Variants in GRAMD1B observed in about 807,000 individuals in gnomAD.
GRAMD1B encodes the protein GRAM domain containing 1B.
Under a neutral mutation model 99.7 loss-of-function variants are expected in GRAMD1B, and 37 were observed. That is an observed-to-expected ratio of 0.37 (90% confidence interval 0.29 to 0.49). GRAMD1B has a LOEUF of 0.49. Ranked by LOEUF, GRAMD1B falls within the 20% of genes least tolerant of loss-of-function variation. The pLI is 0.98. For synonymous variants in GRAMD1B, 427 were observed against 387.6 expected (o/e 1.10, Z -1.19); for missense variants, 888 against 1,009.2 (o/e 0.88, Z 1.63).
At chr11:123,511,977 G>A (rs1424259226) in intron 2 of GRAMD1B, among the ~76,000 whole-genome samples, 2 of 152,220 alleles carry the variant, frequency 1.3e-5, no homozygotes, top group Non-Finnish European at 2.9e-5. Context: ...GTTTAGATCT[G>A]TCAAATTCTC....
At chr11:123,525,822 C>T in intron 2 of GRAMD1B, 1 of 384,164 alleles carries the variant, frequency 2.6e-6, no homozygotes, top group Non-Finnish European at 4.8e-6. Flanking sequence ...TTGTTTCGCG[C>T]AGCCTTGCCA....
In GRAMD1B at chr11:123,476,545, C is replaced by T. The variant is rs565630080; in HGVS notation, c.375-4271C>T. On this transcript the variant is annotated intron_variant, in intron 1 of 19. Transcript: ENST00000635736. ...ACCATGGATTTATCTAGAGTCCCTC[C>T]AGCTCGATGTTCACCTCTCTGATGT... is the stretch of plus-strand genomic sequence containing the variant. 4.6e-5 allele frequency among the ~76,000 whole-genome samples: 7 copies of T among 152,340 alleles called. No individual in the cohort carries two copies. In the East Asian group the frequency reaches 1.4e-3, roughly 29 times the overall value.
At chr11:123,597,980 T>C (rs970835190) in intron 7 of GRAMD1B, 9 of 1,216,604 alleles carry the variant, frequency 7.4e-6, no homozygotes, top group Non-Finnish European at 9.8e-6. Flanking sequence ...CTCATATGTC[T>C]TCTTATTCAC....
At position 123,423,305 on chromosome 11, in the gene GRAMD1B, G is replaced by A. The variant is rs995464292; in HGVS notation, c.-175-57511G>A. On this transcript the variant is annotated intron_variant, in intron 1 of 20. Coordinates refer to the GRAMD1B transcript ENST00000638157. ...AAAAACCTTATCCCCAACCCCAAATGTTCCCTCTCCTCTCCTTTCTTCTCC... is the reference window on the plus strand; with the variant it reads ...AAAAACCTTATCCCCAACCCCAAATATTCCCTCTCCTCTCCTTTCTTCTCC... 7.4e-5 allele frequency among the ~76,000 whole-genome samples: 11 copies of A among 149,314 alleles called. No homozygotes were observed. In the South Asian group the frequency reaches 1.1e-3, roughly 14 times the overall value.
At chr11:123,473,424 G>A (rs763386016) in intron 1 of GRAMD1B, among the ~76,000 whole-genome samples, 4 of 151,890 alleles carry the variant, frequency 2.6e-5, no homozygotes, top group African/African-American at 9.7e-5. Flanking sequence ...CCACCACACC[G>A]TGCTAATTTT....
At chr11:123,425,995 T>C (rs996372653), upstream of GRAMD1B, among the ~76,000 whole-genome samples, 4 of 152,224 alleles carry the variant, frequency 2.6e-5, no homozygotes, top group African/African-American at 9.6e-5. Context: ...AGCACCATCC[T>C]GGTAATTGAT....
chr11:123,500,600 T>A (rs909186808), intron 2 of GRAMD1B, among the ~76,000 whole-genome samples: 4 of 152,174 alleles, frequency 2.6e-5, no homozygotes, highest in Admixed American at 1.3e-4. Flanking sequence ...TCTGTGTACT[T>A]TGTGGAGGAG....
intron 1 of GRAMD1B, among the ~76,000 whole-genome samples, chr11:123,390,478 C>T (rs1420570130): frequency 3.3e-5 from 5 of 152,152 alleles, no homozygotes; most frequent in East Asian, 3.9e-4. Context: ...AATGGATATC[C>T]GTCCAAAAAC....
At chr11:123,429,656 G>C (rs1948778208), upstream of GRAMD1B, among the ~76,000 whole-genome samples, 1 of 152,102 alleles carries the variant, frequency 6.6e-6, no homozygotes, top group Admixed American at 6.5e-5. The surrounding 1 kb of genome is among the most constrained non-coding windows in gnomAD (Gnocchi z 4.0). Context: ...ACAGGGTTCA[G>C]GCCCCATTTT....
chr11:123,618,238 A>G (rs1052359545), intron 17 of GRAMD1B: 1 of 865,736 alleles, frequency 1.2e-6, no homozygotes, highest in Non-Finnish European at 2.0e-6. Context: ...TTTCTCATAT[A>G]CTCTCACTCA....
At chr11:123,404,213 GTCTC>G (rs771811189) in intron 1 of GRAMD1B, among the ~76,000 whole-genome samples, 1 of 152,166 alleles carries the variant, frequency 6.6e-6, no homozygotes. Flanking sequence ...ATGCCTGATT[GTCTC>G]TCTTTTTGTG....
In GRAMD1B at chr11:123,609,817, A is replaced by G. The variant is rs749194789; in HGVS notation, c.1680A>G (p.Lys560=). Residue 560 remains lysine, a synonymous_variant, in exon 13 of 20, where the codon AAA becomes AAG. Coordinates refer to ENST00000635736, the MANE Select transcript of GRAMD1B (RefSeq NM_001387025.1). ...RFSDIIFHPW[K]KEENGNQSRV... is the part of the protein sequence containing the mutation. ...TAGATATCATCTTCCATCCATGGAA[A>G]AAGGAGGAGAATGGAAACCAGAGCC... The G allele has an allele frequency of 1.9e-6, 3 of 1,596,826 alleles. No homozygotes were observed. The highest frequency in any genetic ancestry group is 1.7e-5 in the Admixed American group (1 of 58,536).
rs759845728 is a variant in GRAMD1B at position 123,618,679 on chromosome 11, C to T, written c.2319-14C>T. On this transcript the variant is annotated splice_polypyrimidine_tract_variant and intron_variant, in intron 17 of 19. Transcript: ENST00000635736. ...CTCACTGCTGATGTTTTTTTCCCCACGTCTCCTTCCTAGTCTGGTGCTGCT... is the reference window on the plus strand; with the variant it reads ...CTCACTGCTGATGTTTTTTTCCCCATGTCTCCTTCCTAGTCTGGTGCTGCT... 3.0e-5 allele frequency: 43 copies of T among 1,442,086 alleles called. No homozygotes were observed. The highest frequency in any genetic ancestry group is 3.7e-5 in the Non-Finnish European group (38 of 1,038,836). The allele number at this position is 1,442,086 out of a possible 1,614,324, so 89.3% of individuals were successfully genotyped here.
chr11:123,553,090 AC>A (rs1308738283), intron 2 of GRAMD1B, among the ~76,000 whole-genome samples: 3 of 152,100 alleles, frequency 2.0e-5, no homozygotes, highest in Non-Finnish European at 1.5e-5. Context: ...CCTGGCTCCC[AC>A]CCCCAGACAT....
rs920887598 is a variant in GRAMD1B, at chr11:123,513,382, CT to C, written c.452+32500del. On this transcript the variant is annotated intron_variant, in intron 2 of 19. Transcript: ENST00000635736. ...TCCACTGCATTGTCATAGTACTACC[CT>C]TTTTTTTTTTAAGGTTGCACCTCAG... Among the ~76,000 whole-genome samples the C allele has an allele frequency of 2.2e-3, 322 of 145,322 alleles. 1 individual carries two copies. The highest frequency in any genetic ancestry group is 6.1e-3 in the African/African-American group (245 of 39,936).
At chr11:123,379,702 TG>T (rs1290282239) in intron 1 of GRAMD1B, among the ~76,000 whole-genome samples, 3 of 152,266 alleles carry the variant, frequency 2.0e-5, no homozygotes, top group Admixed American at 6.5e-5. Context: ...CACCTGGAAG[TG>T]AAATTACTGG....
At chr11:123,552,211 T>G (rs542502758) in intron 2 of GRAMD1B, among the ~76,000 whole-genome samples, 1 of 151,874 alleles carries the variant, frequency 6.6e-6, no homozygotes, top group African/African-American at 2.4e-5. Flanking sequence ...GGATTTTTCT[T>G]CCCTTAGTAT....
At chr11:123,397,158 C>G (rs1255809351) in intron 1 of GRAMD1B, among the ~76,000 whole-genome samples, 1 of 152,178 alleles carries the variant, frequency 6.6e-6, no homozygotes, top group Non-Finnish European at 1.5e-5. Flanking sequence ...AATCCTAGCA[C>G]TTTGGGAGGC....
intron 1 of GRAMD1B, among the ~76,000 whole-genome samples, chr11:123,389,212 G>A (rs184855410): frequency 1.4e-4 from 22 of 152,024 alleles, no homozygotes; most frequent in Admixed American, 7.2e-4. Context: ...GTGAAACCCC[G>A]TCTTTACTAA....
Sources: gnomAD v4.1 joint callset for allele counts (sites outside exome capture counted in the v4.1 genomes callset) on GRCh38, gnomAD v4.1.1 for gene constraint, Gnocchi (gnomAD v3.1) non-coding constraint, MANE v1.5 for transcripts, NCBI Gene and HGNC (gene_info 2026-07-23, HGNC 2026-07-21) for gene names.